Variants in CA1 observed in about 807,000 individuals in gnomAD.
CA1 encodes the protein carbonate dehydratase I.
Under a neutral mutation model 28.8 loss-of-function variants are expected in CA1, and 27 were observed. The observed-to-expected ratio is 0.94, with a 90% CI of 0.69 to 1.29. CA1 has a LOEUF of 1.29. Ranked by LOEUF, CA1 falls within the 50% of genes most tolerant of loss-of-function variation. The probability of loss-of-function intolerance (pLI) is 0.00; values close to 1 mark genes in which losing one functional copy is unlikely to be tolerated. For missense variants in CA1, 335 were observed against 310.5 expected (o/e 1.08, Z -0.59); for synonymous variants, 121 against 108.8 (o/e 1.11, Z -0.70).
chr8:85,333,453 T>G (rs1808496705), intron 5 of CA1, 72 bp downstream of exon 5: 1 of 931,604 alleles, frequency 1.1e-6, no homozygotes, highest in Admixed American at 1.7e-5. Context: ...ATATGTTGCC[T>G]TATTTCCTTC....
intron 1 of CA1, among the ~76,000 whole-genome samples, chr8:85,365,594 C>T (rs1162117490): frequency 3.3e-5 from 5 of 152,290 alleles, no homozygotes; most frequent in South Asian, 4.1e-4. Context: ...TCATTTTATG[C>T]ACTTTGCTTG....
chr8:85,342,624 G>C (rs1000650106), intron 1 of CA1: 1 of 152,404 alleles, frequency 6.6e-6, no homozygotes, highest in Admixed American at 6.5e-5. Context: ...TGAATGATGA[G>C]AAGGTACACA....
intron 1 of CA1, among the ~76,000 whole-genome samples, chr8:85,371,488 C>T (rs1276665402): frequency 1.3e-5 from 2 of 151,958 alleles, no homozygotes; most frequent in Non-Finnish European, 2.9e-5. Flanking sequence ...CCCCAAAGAA[C>T]GGGGTCTCTG....
In CA1 at chr8:85,329,713, C is replaced by T; in HGVS notation, c.645G>A (p.Glu215=). The change falls in exon 7 of 8, where the codon GAG becomes GAA. Residue 215 remains glutamate (E), a synonymous_variant. Transcript: ENST00000523022. ...YESVTWIICK[E]SISVSSEQLA... is the part of the protein sequence containing the mutation. ...CCTGCTCTGAGCTGACACTGATGCT[C>T]TCCTTACAGATGATCCAAGTTACAC... 6.2e-7 allele frequency: 1 copy of T among 1,611,068 alleles called. No individual in the cohort carries two copies. The highest frequency in any genetic ancestry group is 8.5e-7 in the Non-Finnish European group (1 of 1,178,442).
chr8:85,330,194 G>A (rs1808344303), intron 6 of CA1, among the ~76,000 whole-genome samples: 1 of 152,070 alleles, frequency 6.6e-6, no homozygotes. Context: ...CTCTAGGAAT[G>A]ATGCCAGATT....
intron 6 of CA1, among the ~76,000 whole-genome samples, chr8:85,331,561 A>G (rs1196071442): frequency 6.6e-6 from 1 of 152,032 alleles, no homozygotes; most frequent in East Asian, 1.9e-4. Flanking sequence ...GGTTCAAGCG[A>G]TTCTCCTGGC....
At chr8:85,331,846 CTT>C (rs577581871) in intron 6 of CA1, among the ~76,000 whole-genome samples, 202 of 151,964 alleles carry the variant, frequency 1.3e-3, no homozygotes, top group Non-Finnish European at 2.3e-3. Context: ...TTTGATAACT[CTT>C]GAGTTGAGGG....
At chr8:85,344,205 TATA>T (rs1467645495) in intron 1 of CA1, among the ~76,000 whole-genome samples, 2 of 111,142 alleles carry the variant, frequency 1.8e-5, no homozygotes, top group African/African-American at 1.0e-4. Context: ...TTATACAGTA[TATA>T]ATATAATTAT....
chr8:85,364,120 C>T (rs947333018), intron 1 of CA1, among the ~76,000 whole-genome samples: 18 of 152,194 alleles, frequency 1.2e-4, no homozygotes, highest in African/African-American at 4.3e-4. Context: ...GAGTTACAGG[C>T]GTGAGCCACT....
intron 4 of CA1, among the ~76,000 whole-genome samples, chr8:85,334,630 TCCTC>T (rs1485882182): frequency 1.3e-5 from 2 of 149,034 alleles, no homozygotes; most frequent in Non-Finnish European, 3.0e-5. Context: ...CTTCCTTCCT[TCCTC>T]CCTCCCTTCT....
chr8:85,356,795 T>A (rs1042327434), intron 1 of CA1, among the ~76,000 whole-genome samples: 5 of 152,078 alleles, frequency 3.3e-5, no homozygotes, highest in Non-Finnish European at 1.5e-5. Flanking sequence ...AGTAAGAAAA[T>A]AAGGTGCAGA....
chr8:85,356,892 A>G (rs763510575), intron 1 of CA1, among the ~76,000 whole-genome samples: 4 of 152,220 alleles, frequency 2.6e-5, no homozygotes, highest in Non-Finnish European at 5.9e-5. Flanking sequence ...CTCTAAAACC[A>G]TTGACAAACA....
chr8:85,345,277 C>G (rs751339367), intron 1 of CA1, among the ~76,000 whole-genome samples: 6 of 152,194 alleles, frequency 3.9e-5, no homozygotes, highest in Non-Finnish European at 7.3e-5. Flanking sequence ...CCAGATTGCT[C>G]TGTACCCAGA....
chr8:85,361,828 A>G (rs1221217600), intron 1 of CA1, among the ~76,000 whole-genome samples: 1 of 152,198 alleles, frequency 6.6e-6, no homozygotes, highest in Non-Finnish European at 1.5e-5. Flanking sequence ...ATTAGCACCA[A>G]TTCACCAGCT....
intron 1 of CA1, among the ~76,000 whole-genome samples, chr8:85,345,381 A>G (rs1174574720): frequency 1.3e-5 from 2 of 152,030 alleles, no homozygotes; most frequent in East Asian, 3.9e-4. Context: ...CCATTATATC[A>G]TTCTGTCTTA....
chr8:85,332,289 T>C (rs1808438561), intron 6 of CA1: 1 of 553,976 alleles, frequency 1.8e-6, no homozygotes. Flanking sequence ...AAACCATAAC[T>C]ATGAAAAACA....
chr8:85,344,698 C>CA (rs1241416654), intron 1 of CA1, among the ~76,000 whole-genome samples: 1 of 151,824 alleles, frequency 6.6e-6, no homozygotes, highest in Non-Finnish European at 1.5e-5. Flanking sequence ...ATAAAAGGAA[C>CA]AAAAAGTGAA....
At chr8:85,367,014 TTTAAA>T (rs1810032643) in intron 1 of CA1, among the ~76,000 whole-genome samples, 1 of 152,054 alleles carries the variant, frequency 6.6e-6, no homozygotes, top group South Asian at 2.1e-4. Flanking sequence ...AATAAAATTA[TTTAAA>T]TTTTTTCTTA....
At chr8:85,373,125 A>C (rs1464417890) in intron 1 of CA1, among the ~76,000 whole-genome samples, 2 of 152,190 alleles carry the variant, frequency 1.3e-5, no homozygotes, top group South Asian at 2.1e-4. Context: ...AAGGAGGAAA[A>C]AGAAATTCGT....
Sources: gnomAD v4.1 joint callset for allele counts (sites outside exome capture counted in the v4.1 genomes callset) on GRCh38, gnomAD v4.1.1 for gene constraint, MANE v1.5 for transcripts, NCBI Gene and HGNC (gene_info 2026-07-23, HGNC 2026-07-21) for gene names.